PLAAT2: variants seen among roughly 807,000 people sequenced by gnomAD.
PLAAT2 encodes phospholipase A and acyltransferase 2, also known as HRAS like suppressor 2.
PLAAT2 carries 12 observed loss-of-function variants against 12.8 expected under a neutral mutation model. The ratio of observed to expected loss-of-function variants is 0.94; its 90% CI spans 0.60 to 1.52. The LOEUF is 1.52. PLAAT2 is among the 40% of genes most tolerant of loss of function. The pLI, the probability that PLAAT2 is intolerant of heterozygous loss-of-function variation, is 0.00. For missense variants in PLAAT2, 166 were observed against 208.1 expected, an observed-to-expected ratio of 0.80 and a Z score of 1.24; for synonymous variants, 79 against 86.8, an observed-to-expected ratio of 0.91 and a Z score of 0.50.
chr11:63,564,156 C>A (rs1235133784), upstream of PLAAT2, among the ~76,000 whole-genome samples: 1 of 152,146 alleles, frequency 6.6e-6, no homozygotes, highest in Admixed American at 6.5e-5. Flanking sequence ...ACAGAGTGAG[C>A]CTGCTTGGAC....
In PLAAT2 at chr11:63,563,343, T is replaced by G; in HGVS notation, c.-19A>C. On this transcript the variant is annotated 5_prime_UTR_variant, in exon 1 of 4. Transcript: ENST00000255695. ...AAGCCATCCTTCCTTCAAGATGATGTCTTGTGTGTTGCTGACTCTGTGTCC... is the reference window on the plus strand; with the variant it reads ...AAGCCATCCTTCCTTCAAGATGATGGCTTGTGTGTTGCTGACTCTGTGTCC... 2 of 1,614,096 alleles carry G rather than the reference T, an allele frequency of 1.2e-6. No individual in the cohort carries two copies. Among genetic ancestry groups the G allele is most frequent in the Non-Finnish European group, 1.7e-6 (2 of 1,180,004 alleles).
At chr11:63,561,553 G>A (rs900919093) in intron 1 of PLAAT2, among the ~76,000 whole-genome samples, 4 of 142,666 alleles carry the variant, frequency 2.8e-5, no homozygotes, top group Admixed American at 7.3e-5. Flanking sequence ...GCTGAGGCAT[G>A]AGAATTGCTT....
At position 63,559,687 on chromosome 11, in the gene PLAAT2, C is replaced by G. The variant is rs116938836; in HGVS notation, c.118+398G>C. 8.2e-5 allele frequency among the ~76,000 whole-genome samples: 10 copies of G among 122,622 alleles called. No individual in the cohort carries two copies. The East Asian group carries it at 4.9e-3, about 60-fold the overall frequency. The allele number at this position is 122,622 out of a possible 152,430, so 80.4% of individuals were successfully genotyped here. On this transcript the variant is annotated intron_variant, in intron 2 of 3. Transcript: ENST00000255695. ...TAAGCAGAGGAGCCACAATTCCAAACTGGTTCTGTTGAGTTGGGAGGCCCA... is the reference window on the plus strand; with the variant it reads ...TAAGCAGAGGAGCCACAATTCCAAAGTGGTTCTGTTGAGTTGGGAGGCCCA...
chr11:63,563,451 G>A (rs574933743), upstream of PLAAT2: 22 of 1,129,664 alleles, frequency 1.9e-5, no homozygotes, highest in Admixed American at 3.7e-5. Context: ...GGGTGCGGTG[G>A]CTCACACCTG....
At chr11:63,558,323 G>A (rs2017485952) in intron 3 of PLAAT2, 69 bp downstream of exon 3, 1 of 1,567,686 alleles carries the variant, frequency 6.4e-7, no homozygotes, top group South Asian at 1.2e-5. Context: ...GGCCCCAGCA[G>A]GGACCCAGCC....
At chr11:63,564,646 A>T (rs1241853115), upstream of PLAAT2, among the ~76,000 whole-genome samples, 2 of 152,180 alleles carry the variant, frequency 1.3e-5, no homozygotes, top group African/African-American at 2.4e-5. Context: ...TCTGAGTTGC[A>T]GTGGGACAAT....
At position 63,557,704 on chromosome 11, in the gene PLAAT2, C is replaced by T. The variant is rs532548979; in HGVS notation, c.387+688G>A. ...GTGGCTGCTTTTGTGCTGCAAACTACGGCAGCAGGGTAATAAGACAGAGAA... is the reference window on the plus strand; with the variant it reads ...GTGGCTGCTTTTGTGCTGCAAACTATGGCAGCAGGGTAATAAGACAGAGAA... On this transcript the variant is annotated intron_variant, in intron 3 of 3. Transcript: ENST00000255695. 8.5e-5 allele frequency among the ~76,000 whole-genome samples: 13 copies of T among 152,240 alleles called. No individual in the cohort carries two copies. The South Asian group carries it at 1.5e-3, about 17-fold the overall frequency.
intron 3 of PLAAT2, among the ~76,000 whole-genome samples, chr11:63,553,380 C>T (rs1307070736): frequency 6.6e-6 from 1 of 152,022 alleles, no homozygotes; most frequent in African/African-American, 2.4e-5. Flanking sequence ...TGGTTCACAC[C>T]TGCAATCCTC....
intron 3 of PLAAT2, among the ~76,000 whole-genome samples, chr11:63,556,947 C>T (rs887024145): frequency 6.6e-6 from 1 of 152,198 alleles, no homozygotes; most frequent in Non-Finnish European, 1.5e-5. Context: ...CATTAACACA[C>T]TCATTTGAAT....
chr11:63,559,983 G>A, intron 2 of PLAAT2, 102 bp downstream of exon 2: 1 of 716,340 alleles, frequency 1.4e-6, no homozygotes, highest in Non-Finnish European at 2.4e-6. Context: ...TGTATTGAGT[G>A]CCTACTCTGC....
upstream of PLAAT2, among the ~76,000 whole-genome samples, chr11:63,564,819 CT>C (rs1170436608): frequency 1.3e-5 from 2 of 152,162 alleles, no homozygotes; most frequent in Non-Finnish European, 2.9e-5. Flanking sequence ...TATGCCTGCC[CT>C]CCCCTTGCAA....
At chr11:63,555,537 C>T (rs1161427469) in intron 3 of PLAAT2, among the ~76,000 whole-genome samples, 4 of 152,046 alleles carry the variant, frequency 2.6e-5, no homozygotes, top group Admixed American at 2.6e-4. Flanking sequence ...AAAAGAAATA[C>T]AAAAATTAGC....
chr11:63,561,295 T>C, intron 1 of PLAAT2, among the ~76,000 whole-genome samples: 1 of 152,116 alleles, frequency 6.6e-6, no homozygotes, highest in East Asian at 1.9e-4. Flanking sequence ...ATAAGAATCA[T>C]ACAACGGACT....
chr11:63,564,492 G>T (rs950308491), upstream of PLAAT2, among the ~76,000 whole-genome samples: 2 of 152,150 alleles, frequency 1.3e-5, no homozygotes, highest in African/African-American at 4.8e-5. Flanking sequence ...TTAGTGTGGG[G>T]ATGCAGATGG....
intron 1 of PLAAT2, among the ~76,000 whole-genome samples, chr11:63,561,508 A>G: frequency 1.3e-5 from 2 of 151,968 alleles, no homozygotes; most frequent in Non-Finnish European, 2.9e-5. Flanking sequence ...AGCTGGGTAT[A>G]GTGGCAGGTG....
intron 1 of PLAAT2, among the ~76,000 whole-genome samples, chr11:63,560,966 C>G (rs1448907363): frequency 1.3e-5 from 2 of 152,146 alleles, no homozygotes; most frequent in East Asian, 3.9e-4. Context: ...GAATGTTGCC[C>G]TGGCCACACC....
chr11:63,554,443 CCAACA>C (rs2017447412), intron 3 of PLAAT2, among the ~76,000 whole-genome samples: 1 of 151,626 alleles, frequency 6.6e-6, no homozygotes, highest in African/African-American at 2.4e-5. Flanking sequence ...ACCAGCCTGG[CCAACA>C]TGGTGAGACC....
intron 3 of PLAAT2, 87 bp from the exon 4 acceptor site, chr11:63,553,152 C>T (rs2017433433): frequency 1.3e-6 from 1 of 783,908 alleles, no homozygotes; most frequent in South Asian, 1.6e-5. Flanking sequence ...AGGAAAGACT[C>T]ATCTGGCCCA....
intron 3 of PLAAT2, 59 bp from the exon 4 acceptor site, chr11:63,553,124 A>G: frequency 2.9e-6 from 3 of 1,018,946 alleles, no homozygotes; most frequent in Non-Finnish European, 4.6e-6. Context: ...CGATACATAC[A>G]CCAGGAAACT....
Sources: gnomAD v4.1 joint callset for allele counts (sites outside exome capture counted in the v4.1 genomes callset) on GRCh38, gnomAD v4.1.1 for gene constraint, MANE v1.5 for transcripts, NCBI Gene and HGNC (gene_info 2026-07-23, HGNC 2026-07-21) for gene names.